The following YEATS4 variants were observed in gnomAD, a reference collection of about 807,000 sequenced individuals.
YEATS4 encodes YEATS domain containing 4.
Under a neutral mutation model 30.1 loss-of-function variants are expected in YEATS4, and 17 were observed. The ratio of observed to expected loss-of-function variants is 0.56; its 90% CI spans 0.39 to 0.85. YEATS4 has a LOEUF of 0.85. Among genes scored for constraint, YEATS4 ranks in the 40% least tolerant of loss-of-function variants. The pLI is 0.00. For missense variants in YEATS4, 142 were observed against 268.3 expected, an observed-to-expected ratio of 0.53 and a Z score of 3.29; for synonymous variants, 85 against 87.5, an observed-to-expected ratio of 0.97 and a Z score of 0.16.
At chr12:69,424,994 A>G in the YEATS4 span, among the ~76,000 whole-genome samples, 1 of 152,062 alleles carries the variant, frequency 6.6e-6, no homozygotes, top group African/African-American at 2.4e-5. Context: ...ATCTCGGCTC[A>G]CCACAACCTC....
At chr12:69,423,875 A>AC in the YEATS4 span, among the ~76,000 whole-genome samples, 15 of 152,326 alleles carry the variant, frequency 9.8e-5, 1 homozygote, top group Middle Eastern at 6.8e-3. Flanking sequence ...GGGACATGCA[A>AC]CCCAGTTCTG....
the YEATS4 span, among the ~76,000 whole-genome samples, chr12:69,408,343 T>C: frequency 0.98 from 149,555 of 152,322 alleles, 73,442 homozygotes; most frequent in East Asian, 1. Context: ...GTGAATTCAG[T>C]GTGGATGACG....
downstream of YEATS4, among the ~76,000 whole-genome samples, chr12:69,394,024 C>A (rs1868334180): frequency 1.3e-5 from 2 of 151,988 alleles, no homozygotes; most frequent in South Asian, 2.1e-4. Flanking sequence ...TTCTTCAGTA[C>A]TGATCATTGA....
the YEATS4 span, among the ~76,000 whole-genome samples, chr12:69,423,265 T>C: frequency 2.0e-5 from 3 of 152,144 alleles, no homozygotes; most frequent in Non-Finnish European, 2.9e-5. Flanking sequence ...TTTAAGTGGC[T>C]GCTTCATTCT....
At chr12:69,413,897 G>A in the YEATS4 span, among the ~76,000 whole-genome samples, 1 of 151,498 alleles carries the variant, frequency 6.6e-6, no homozygotes, top group African/African-American at 2.4e-5. Context: ...AAGGCATGAG[G>A]TAGCTATGCA....
At chr12:69,413,156 C>G in the YEATS4 span, among the ~76,000 whole-genome samples, 2 of 152,026 alleles carry the variant, frequency 1.3e-5, no homozygotes, top group Admixed American at 1.3e-4. Context: ...CTCATGCCTA[C>G]TATCCCACCA....
the YEATS4 span, among the ~76,000 whole-genome samples, chr12:69,402,570 C>T: frequency 2.0e-5 from 3 of 151,992 alleles, no homozygotes; most frequent in Non-Finnish European, 2.9e-5. Context: ...TGTCGTAGAT[C>T]CTAAACTCTG....
the YEATS4 span, among the ~76,000 whole-genome samples, chr12:69,424,378 G>T: frequency 6.6e-6 from 1 of 152,272 alleles, no homozygotes; most frequent in South Asian, 2.1e-4. Context: ...AATCTTCTGT[G>T]TGTCTCATTA....
intron 1 of YEATS4, among the ~76,000 whole-genome samples, chr12:69,360,667 ATT>A (rs71932216): frequency 1.4e-3 from 198 of 143,668 alleles, no homozygotes; most frequent in South Asian, 2.7e-3. Flanking sequence ...TGGCACGTTA[ATT>A]TTTTTTTTTT....
intron 4 of YEATS4, among the ~76,000 whole-genome samples, chr12:69,367,533 A>G (rs1875482430): frequency 6.6e-6 from 1 of 152,002 alleles, no homozygotes. Flanking sequence ...TGCTGAGTTA[A>G]TTTTTTATTT....
intron 6 of YEATS4, among the ~76,000 whole-genome samples, chr12:69,378,004 C>T (rs1461636137): frequency 6.6e-6 from 1 of 152,136 alleles, no homozygotes; most frequent in Non-Finnish European, 1.5e-5. Context: ...ATAATATTTG[C>T]TTTATGTATC....
chr12:69,397,389 T>G, the YEATS4 span, among the ~76,000 whole-genome samples: 1 of 152,342 alleles, frequency 6.6e-6, no homozygotes, highest in Admixed American at 6.5e-5. Context: ...AATCTCATTT[T>G]GAATTGTAGC....
chr12:69,425,760 C>A, the YEATS4 span, among the ~76,000 whole-genome samples: 2 of 152,124 alleles, frequency 1.3e-5, no homozygotes, highest in Non-Finnish European at 2.9e-5. Flanking sequence ...TTAAGTCATC[C>A]CCCTCACTCC....
chr12:69,417,881 T>C, the YEATS4 span, among the ~76,000 whole-genome samples: 1 of 125,802 alleles, frequency 7.9e-6, no homozygotes, highest in East Asian at 2.5e-4. Flanking sequence ...AAAAAAGCAA[T>C]AAAAGCTTTT....
the YEATS4 span, chr12:69,401,250 G>A: frequency 6.6e-6 from 1 of 151,938 alleles, no homozygotes; most frequent in Admixed American, 6.6e-5. Context: ...TAACTTCACT[G>A]ATAGGAAATA....
At chr12:69,364,521 G>A (rs1484898169) in intron 2 of YEATS4, among the ~76,000 whole-genome samples, 4 of 152,038 alleles carry the variant, frequency 2.6e-5, no homozygotes, top group African/African-American at 4.8e-5. Context: ...CATAACTAAT[G>A]AATATGCTTC....
At chr12:69,360,687 C>A (rs1875165139) in intron 1 of YEATS4, among the ~76,000 whole-genome samples, 1 of 144,912 alleles carries the variant, frequency 6.9e-6, no homozygotes, top group African/African-American at 2.6e-5. Flanking sequence ...TTTTTTGAGA[C>A]GAAGTGTCTG....
chr12:69,367,480 C>T (rs535310322), intron 4 of YEATS4, among the ~76,000 whole-genome samples: 1 of 152,198 alleles, frequency 6.6e-6, no homozygotes, highest in Non-Finnish European at 1.5e-5. Context: ...CAGTCCTCTG[C>T]CTCAGCCTCC....
At chr12:69,426,023 C>G in the YEATS4 span, among the ~76,000 whole-genome samples, 1 of 152,098 alleles carries the variant, frequency 6.6e-6, no homozygotes, top group Non-Finnish European at 1.5e-5. Flanking sequence ...TCGCTTGAGG[C>G]GAGGAGTTCA....
Sources: gnomAD v4.1 joint callset for allele counts (sites outside exome capture counted in the v4.1 genomes callset) on GRCh38, gnomAD v4.1.1 for gene constraint, MANE v1.5 for transcripts, NCBI Gene and HGNC (gene_info 2026-07-23, HGNC 2026-07-21) for gene names.